Variants in ITIH4 observed in about 807,000 individuals in gnomAD.
ITIH4 encodes inter-alpha-trypsin inhibitor heavy chain H4.
Under a neutral mutation model 111.8 loss-of-function variants are expected in ITIH4, and 79 were observed. That is an observed-to-expected ratio of 0.71 (90% CI 0.59 to 0.85). The LOEUF is 0.85. ITIH4 is among the 40% of genes least tolerant of loss of function. The pLI is 0.00. For missense variants in ITIH4, 1,065 were observed against 1,195.8 expected (o/e 0.89, Z 1.61); for synonymous variants, 472 against 468.3 (o/e 1.01, Z -0.10).
intron 21 of ITIH4, among the ~76,000 whole-genome samples, chr3:52,815,215 A>C (rs927155746): frequency 6.6e-6 from 1 of 151,820 alleles, no homozygotes; most frequent in Non-Finnish European, 1.5e-5. Context: ...GCTTCAATTC[A>C]ATCTAAAATA....
intron 13 of ITIH4, 98 bp from the exon 14 acceptor site, chr3:52,820,415 C>G: frequency 7.3e-7 from 1 of 1,361,360 alleles, no homozygotes; most frequent in Non-Finnish European, 1.0e-6. Context: ...TGTGTTTAAT[C>G]TTGCTACCCA....
intron 21 of ITIH4, among the ~76,000 whole-genome samples, chr3:52,816,501 C>T (rs1277590126): frequency 6.6e-6 from 1 of 152,218 alleles, no homozygotes; most frequent in Non-Finnish European, 1.5e-5. Flanking sequence ...CGGCAAAGTG[C>T]TCCCAACTAC....
intron 16 of ITIH4, 42 bp downstream of exon 16, chr3:52,819,712 C>T (rs374522625): frequency 2.5e-6 from 4 of 1,605,424 alleles, no homozygotes; most frequent in African/African-American, 1.3e-5. Context: ...AGCTCCCCCC[C>T]AGGGATGTCA....
chr3:52,813,860 A>C, intron 23 of ITIH4, 115 bp downstream of exon 23: 1 of 802,288 alleles, frequency 1.2e-6, no homozygotes, highest in South Asian at 1.5e-5. Context: ...CTTCCACCGG[A>C]CTGTGTCTAG....
Position 52,826,881 on chromosome 3 carries a change from C to T in ITIH4, c.429G>A (p.Glu143=), listed in dbSNP as rs1401639008. ...SVAPNAKITF[E]LVYEELLKRR... The stretch of plus-strand genomic sequence containing the variant: ...GCTTGAGCAGCTCCTCATAGACCAG[C>T]TCAAAGGTGATCTTGGCATTGGGAG... The change falls in exon 4 of 24, where the codon GAG becomes GAA. Residue 143 remains glutamate, a synonymous_variant. Coordinates refer to ENST00000266041, the MANE Select transcript of ITIH4 (RefSeq NM_002218.5). 7.4e-6 allele frequency: 12 copies of T among 1,614,000 alleles called. No homozygotes were observed. The highest frequency in any genetic ancestry group is 1.0e-5 in the Non-Finnish European group (12 of 1,180,048).
chr3:52,823,618 C>A lies in ITIH4; in HGVS notation c.1477G>T (p.Val493Leu). The A allele has an allele frequency of 6.2e-7, 1 of 1,614,122 alleles. No individual in the cohort carries two copies. The highest frequency in any genetic ancestry group is 8.5e-7 in the Non-Finnish European group (1 of 1,180,020). ...RLLFKGSEMV[V>L]AGKLQDRGPD... ...CCCCGGTCCTGGAGCTTCCCAGCCA[C>A]CACCATCTCTGAGCCCTTGAAGAGG... is the stretch of plus-strand genomic sequence containing the variant. Residue 493 changes from valine (V) to leucine (L), a missense_variant, in exon 11 of 24, where the codon GTG (valine) becomes TTG (leucine). By Grantham distance (32) the Val-to-Leu change is conservative. Coordinates refer to ENST00000266041, the MANE Select transcript of ITIH4 (RefSeq NM_002218.5).
chr3:52,821,311 G>A (rs888358541), intron 11 of ITIH4, among the ~76,000 whole-genome samples, 181 bp from the exon 12 acceptor site: 10 of 152,166 alleles, frequency 6.6e-5, no homozygotes, highest in Non-Finnish European at 1.2e-4. Context: ...CTCAGTCACA[G>A]AGCATACAGG....
rs373908509 is a variant in ITIH4 at position 52,823,606 on chromosome 3, G to T, written c.1489C>A (p.Leu497Ile). 3.7e-6 allele frequency: 6 copies of T among 1,613,814 alleles called. No individual in the cohort carries two copies. The highest frequency in any genetic ancestry group is 4.2e-6 in the Non-Finnish European group (5 of 1,179,988). Residue 497 changes from leucine to isoleucine, a missense_variant, in exon 11 of 24, where the codon CTC becomes ATC. Coordinates refer to ENST00000266041, the MANE Select transcript of ITIH4 (RefSeq NM_002218.5). ...KGSEMVVAGK[L>I]QDRGPDVLTA... is the part of the protein sequence containing the mutation. Reference sequence around the variant, plus strand: ...AGCACATCAGGCCCCCGGTCCTGGAGCTTCCCAGCCACCACCATCTCTGAG... The same window carrying T: ...AGCACATCAGGCCCCCGGTCCTGGATCTTCCCAGCCACCACCATCTCTGAG...
rs934279368 is a variant in ITIH4 at position 52,817,002 on chromosome 3, C to T, written c.2353G>A (p.Val785Met). Residue 785 changes from valine (V) to methionine (M), a missense_variant, in exon 21 of 24, where the codon GTG becomes ATG. Transcript: ENST00000266041. ...REKAGFSWIE[V>M]TFKNPLVWVH... ...CATACCAGGGGGTTCTTGAAGGTCACTTCGATCCATGAGAACCCAGCCTTC... is the reference window on the plus strand; with the variant it reads ...CATACCAGGGGGTTCTTGAAGGTCATTTCGATCCATGAGAACCCAGCCTTC... 2 of 1,614,022 alleles carry T rather than the reference C, an allele frequency of 1.2e-6. No individual in the cohort carries two copies. The highest frequency in any genetic ancestry group is 1.7e-6 in the Non-Finnish European group (2 of 1,179,978).
intron 2 of ITIH4, among the ~76,000 whole-genome samples, chr3:52,828,466 C>T (rs978761406): frequency 6.6e-6 from 1 of 152,252 alleles, no homozygotes; most frequent in African/African-American, 2.4e-5. Flanking sequence ...CACCATCGCC[C>T]TGTTTCTGGG....
chr3:52,825,775 G>T, intron 6 of ITIH4, 111 bp downstream of exon 6: 1 of 1,215,890 alleles, frequency 8.2e-7, no homozygotes, highest in Non-Finnish European at 1.1e-6. Context: ...GGTCCCTGGT[G>T]CACACTGCTA....
intron 21 of ITIH4, among the ~76,000 whole-genome samples, chr3:52,815,230 G>GT (rs1453090168): frequency 1.3e-4 from 19 of 150,916 alleles, no homozygotes; most frequent in African/African-American, 4.4e-4. Context: ...AAAATATGTG[G>GT]GTTTTTTTCT....
chr3:52,823,454 G>C, intron 11 of ITIH4, 102 bp downstream of exon 11: 1 of 930,152 alleles, frequency 1.1e-6, no homozygotes, highest in Admixed American at 2.6e-5. Context: ...GGCAGCAGAG[G>C]GGAAAGCTGG....
intron 1 of ITIH4, among the ~76,000 whole-genome samples, chr3:52,829,599 G>A (rs1700537291): frequency 6.6e-6 from 1 of 152,222 alleles, no homozygotes; most frequent in South Asian, 2.1e-4. Flanking sequence ...GGTGAAGCCA[G>A]GGCCAGTGTC....
chr3:52,816,969 C>T lies in ITIH4; in HGVS notation c.2386G>A (p.Ala796Thr), dbSNP rs778999330. ...TFKNPLVWVH[A>T]SPEHVVVTRN... ...GTCACCACCACGTGTTCAGGGGATG[C>T]GTGAACCCATACCAGGGGGTTCTTG... is the stretch of plus-strand genomic sequence containing the variant. Residue 796 changes from alanine to threonine, a missense_variant, in exon 21 of 24, where the codon GCA (alanine) becomes ACA (threonine). Physicochemically the swap from Ala to Thr is moderately conservative, Grantham distance 58. Transcript: ENST00000266041. The T allele has an allele frequency of 5.0e-6, 8 of 1,613,858 alleles. No individual in the cohort carries two copies. Among genetic ancestry groups the T allele is most frequent in the Middle Eastern group, 1.6e-4 (1 of 6,084 alleles).
At chr3:52,822,110 A>G (rs1409340079) in intron 11 of ITIH4, among the ~76,000 whole-genome samples, 1 of 152,176 alleles carries the variant, frequency 6.6e-6, no homozygotes, top group Non-Finnish European at 1.5e-5. Flanking sequence ...TTGGGAGGCC[A>G]AGGTGGGCAG....
At position 52,818,150 on chromosome 3, in the gene ITIH4, G is replaced by A. The variant is rs761975444; in HGVS notation, c.2198C>T (p.Ser733Phe). ...TQTPAPIQAP[S>F]AILPLPGQSV... Reference sequence around the variant, plus strand: ...CTGCCCAGGCAGTGGCAGGATGGCAGAGGGAGCCTGTATGGGGGCTGGGAC... The same window carrying A: ...CTGCCCAGGCAGTGGCAGGATGGCAAAGGGAGCCTGTATGGGGGCTGGGAC... The change falls in exon 20 of 24, where the codon TCT (serine) becomes TTT (phenylalanine). Residue 733 changes from serine (S) to phenylalanine (F), a missense_variant. By Grantham distance (155) the Ser-to-Phe change is radical (BLOSUM62 -2). Transcript: ENST00000266041. The A allele has an allele frequency of 1.2e-5, 20 of 1,612,888 alleles. No individual in the cohort carries two copies. Among genetic ancestry groups the A allele is most frequent in the Non-Finnish European group, 1.7e-5 (20 of 1,179,342 alleles).
Position 52,820,692 on chromosome 3 carries a change from C to T in ITIH4, c.1773G>A (p.Met591Ile). 6.2e-7 allele frequency: 1 copy of T among 1,614,088 alleles called. No individual in the cohort carries two copies. The highest frequency in any genetic ancestry group is 8.5e-7 in the Non-Finnish European group (1 of 1,179,976). ...CTTGGTCATCGGGTTTGGTGACTAC[C>T]ATAGATGTGAGAGGCGTGACAAAGC... ...AYSFVTPLTS[M>I]VVTKPDDQEQ... The change falls in exon 13 of 24, where the codon ATG becomes ATA. Residue 591 changes from methionine to isoleucine, a missense_variant. Physicochemically the swap from Met to Ile is conservative, Grantham distance 10 (BLOSUM62 1). Transcript: ENST00000266041.
At chr3:52,829,410 C>T in intron 1 of ITIH4, 131 bp from the exon 2 acceptor site, 1 of 948,970 alleles carries the variant, frequency 1.1e-6, no homozygotes, top group Non-Finnish European at 1.6e-6. Flanking sequence ...GAGCCACTGA[C>T]CAGGCCTCAG....
Sources: allele counts gnomAD v4.1 joint callset (sites outside exome capture counted in the v4.1 genomes callset), GRCh38; gene constraint gnomAD v4.1.1; transcripts MANE v1.5; gene names NCBI Gene and HGNC (gene_info 2026-07-23, HGNC 2026-07-21).